STAT4: variants seen among roughly 807,000 people sequenced by gnomAD.
STAT4 encodes signal transducer and activator of transcription 4.
A neutral mutation model predicts 110.5 loss-of-function variants in STAT4; 42 were observed. That is an observed-to-expected ratio of 0.38 (90% CI 0.30 to 0.49). The LOEUF is 0.49. Ranked by LOEUF, STAT4 falls within the 20% of genes least tolerant of loss-of-function variation. The probability of loss-of-function intolerance (pLI) is 0.95; values close to 1 mark genes in which losing one functional copy is unlikely to be tolerated. For missense variants in STAT4, 632 were observed against 887.9 expected (o/e 0.71, Z 3.66); for synonymous variants, 284 against 302.2 (o/e 0.94, Z 0.63).
rs1327507565 is a variant in STAT4, at chr2:191,033,406, A to G, written c.1852+84T>C. The G allele has an allele frequency of 1.4e-6, 2 of 1,457,770 alleles. No individual in the cohort carries two copies. Among genetic ancestry groups the G allele is most frequent in the Non-Finnish European group, 9.3e-7 (1 of 1,079,292 alleles). The allele number at this position is 1,457,770 out of a possible 1,614,324, so 90.3% of individuals were successfully genotyped here. ...GAATACATCACAGACAGATCAACAC[A>G]CCATACACTTCCAAAAACTGAAATC... On this transcript the variant is annotated intron_variant, in intron 20 of 23. Transcript: ENST00000392320. The surrounding 1 kb of genome is among the most constrained non-coding windows in gnomAD (Gnocchi z 6.9).
chr2:191,094,985 C>T (rs1459796933), intron 3 of STAT4, among the ~76,000 whole-genome samples: 2 of 138,958 alleles, frequency 1.4e-5, no homozygotes, highest in African/African-American at 5.3e-5. Flanking sequence ...TTCAAATCAA[C>T]AAAGATCAAA....
rs1696858449 is a variant in STAT4, at chr2:191,061,851, T to C, written c.942-30A>G. The C allele has an allele frequency of 1.9e-6, 3 of 1,591,790 alleles. No individual in the cohort carries two copies. In the South Asian group the frequency reaches 3.4e-5, roughly 18 times the overall value. ...ATGAAAAGGAAATAAAGCGCATCATTTGAAAACACTGAAAATATTGAGACT... is the reference window on the plus strand; with the variant it reads ...ATGAAAAGGAAATAAAGCGCATCATCTGAAAACACTGAAAATATTGAGACT... On this transcript the variant is annotated intron_variant, in intron 9 of 23. Coordinates refer to ENST00000392320, the MANE Select transcript of STAT4 (RefSeq NM_003151.4). This position sits in a 1 kb window ranked among gnomAD's most constrained non-coding sequence, Gnocchi z 6.2.
Position 191,037,839 on chromosome 2 carries a change from C to T in STAT4, c.1434+1360G>A, listed in dbSNP as rs1574697165. Among the ~76,000 whole-genome samples, 1 of 152,116 alleles carries T rather than the reference C, an allele frequency of 6.6e-6. No homozygotes were observed. Among genetic ancestry groups the T allele is most frequent in the Admixed American group, 6.5e-5 (1 of 15,282 alleles). ...TGCCTGGAAAAGTGACCAGAAAGCACAGAATACAATCAAGGCCTAAGGGCT... is the reference window on the plus strand; with the variant it reads ...TGCCTGGAAAAGTGACCAGAAAGCATAGAATACAATCAAGGCCTAAGGGCT... On this transcript the variant is annotated intron_variant, in intron 16 of 23. Coordinates refer to ENST00000392320, the MANE Select transcript of STAT4 (RefSeq NM_003151.4). This position sits in a 1 kb window ranked among gnomAD's most constrained non-coding sequence, Gnocchi z 4.8.
chr2:191,030,004 A>C lies in STAT4; in HGVS notation c.2221-138T>G. On this transcript the variant is annotated intron_variant, in intron 23 of 23. Coordinates refer to ENST00000392320, the MANE Select transcript of STAT4 (RefSeq NM_003151.4). This position sits in a 1 kb window ranked among gnomAD's most constrained non-coding sequence, Gnocchi z 4.4. The stretch of plus-strand genomic sequence containing the variant: ...ATTACCTAGTTAAAATACTTAAACT[A>C]AGTATTTGCAAAAGTAATTGGGGTT... The C allele has an allele frequency of 4.3e-6, 3 of 691,692 alleles. No homozygotes were observed. Among genetic ancestry groups the C allele is most frequent in the Non-Finnish European group, 7.3e-6 (3 of 408,812 alleles). The allele number at this position is 691,692 out of a possible 1,614,324, so 42.8% of individuals were successfully genotyped here. A position where few individuals can be genotyped will look rare whatever the true frequency, so the allele number is the denominator to read the frequency against.
rs1698239297 is a variant in STAT4 at position 191,104,998 on chromosome 2, C to T, written c.274-28673G>A. On this transcript the variant is annotated intron_variant, in intron 3 of 23. Coordinates refer to ENST00000392320, the MANE Select transcript of STAT4 (RefSeq NM_003151.4). The surrounding 1 kb of genome is among the most constrained non-coding windows in gnomAD (Gnocchi z 4.3). ...ATTTTCAGGGAGAAGACCTGCTATA[C>T]CCAAGGCTTTTTAGATTCATCACAG... Among the ~76,000 whole-genome samples, 1 of 152,068 alleles carries T rather than the reference C, an allele frequency of 6.6e-6. No homozygotes were observed. Among genetic ancestry groups the T allele is most frequent in the African/African-American group, 2.4e-5 (1 of 41,402 alleles).
In STAT4 at chr2:191,090,123, T is replaced by C. The variant is rs974721834; in HGVS notation, c.274-13798A>G. On this transcript the variant is annotated intron_variant, in intron 3 of 23. Transcript: ENST00000392320. This position sits in a 1 kb window ranked among gnomAD's most constrained non-coding sequence, Gnocchi z 4.2. ...AAGTACATCACACTAATGTAAGATA[T>C]AGGAGAAACTGGTGAGGGGTGTGAG... Among the ~76,000 whole-genome samples the C allele has an allele frequency of 3.3e-5, 5 of 152,108 alleles. No homozygotes were observed. In the East Asian group the frequency reaches 7.7e-4, roughly 23 times the overall value.
intron 14 of STAT4, among the ~76,000 whole-genome samples, chr2:191,047,478 G>C (rs1171348741): frequency 6.6e-6 from 1 of 152,170 alleles, no homozygotes; most frequent in East Asian, 1.9e-4. Flanking sequence ...TTAAGGTAAA[G>C]AGTGTTAGAA....
chr2:191,122,414 T>A (rs2125394333), intron 3 of STAT4, among the ~76,000 whole-genome samples: 1 of 152,146 alleles, frequency 6.6e-6, no homozygotes, highest in Admixed American at 6.5e-5. Flanking sequence ...CAGTGTTAAT[T>A]ACCACAACCA....
intron 3 of STAT4, among the ~76,000 whole-genome samples, chr2:191,129,614 G>C (rs73982624): frequency 0.035 from 5,275 of 152,202 alleles, 314 homozygotes; most frequent in African/African-American, 0.12. Context: ...AAAGGCGATG[G>C]AATTTTCTAA....
intron 3 of STAT4, among the ~76,000 whole-genome samples, chr2:191,119,607 T>A (rs115964364): frequency 6.6e-6 from 1 of 152,168 alleles, no homozygotes; most frequent in Non-Finnish European, 1.5e-5. Flanking sequence ...TTCCCCAAAA[T>A]TATCTATAGA....
chr2:191,083,174 C>A lies in STAT4; in HGVS notation c.274-6849G>T, dbSNP rs1010435379. ...TTGAGACAAGGATTCCAGTGCAAGT[C>A]GTTTAAGTGGGAGTTGGTCCCACAA... On this transcript the variant is annotated intron_variant, in intron 3 of 23. Transcript: ENST00000392320. This position sits in a 1 kb window ranked among gnomAD's most constrained non-coding sequence, Gnocchi z 4.6. Among the ~76,000 whole-genome samples, 4 of 152,084 alleles carry A rather than the reference C, an allele frequency of 2.6e-5. No homozygotes were observed.
intron 3 of STAT4, among the ~76,000 whole-genome samples, chr2:191,101,003 C>A (rs1228996829): frequency 6.6e-6 from 1 of 151,640 alleles, no homozygotes; most frequent in Admixed American, 6.6e-5. Context: ...TTTTTTAAGC[C>A]ACTTTTACCT....
intron 3 of STAT4, among the ~76,000 whole-genome samples, chr2:191,131,197 C>A (rs1387335725): frequency 6.6e-6 from 1 of 151,754 alleles, no homozygotes; most frequent in African/African-American, 2.4e-5. Context: ...CATGATTCAG[C>A]AATTCCACTC....
chr2:191,056,891 T>A (rs1326458525), intron 13 of STAT4, among the ~76,000 whole-genome samples: 1 of 150,512 alleles, frequency 6.6e-6, no homozygotes, highest in Admixed American at 6.7e-5. Context: ...CAAGCGATTC[T>A]CCTCCCTCAG....
At position 191,148,168 on chromosome 2, in the gene STAT4, G is replaced by T. The variant is rs754787268; in HGVS notation, c.36C>A (p.Ile12=). Residue 12 remains isoleucine, a synonymous_variant, in exon 2 of 24, where the codon ATC becomes ATA. Transcript: ENST00000392320. The part of the protein sequence containing the change: ...SQWNQVQQLE[I]KFLEQVDQFY... ...ATTGATCCACCTGCTCCAAAAACTT[G>T]ATTTCTAACTGTTGGACTTGATTCC... The T allele has an allele frequency of 1.2e-6, 2 of 1,613,766 alleles. No individual in the cohort carries two copies. Among genetic ancestry groups the T allele is most frequent in the Middle Eastern group, 1.7e-4 (1 of 6,060 alleles).
chr2:191,108,118 C>G (rs951156355), intron 3 of STAT4, among the ~76,000 whole-genome samples: 3 of 151,882 alleles, frequency 2.0e-5, no homozygotes, highest in Admixed American at 2.0e-4. Flanking sequence ...TGGCGAAACC[C>G]CATCTCTACT....
chr2:191,106,505 A>C (rs1029131413), intron 3 of STAT4, among the ~76,000 whole-genome samples: 1 of 151,888 alleles, frequency 6.6e-6, no homozygotes, highest in Non-Finnish European at 1.5e-5. Flanking sequence ...AAATACAAAA[A>C]ATTAGCCGGG....
intron 3 of STAT4, among the ~76,000 whole-genome samples, chr2:191,127,155 C>A (rs1698902778): frequency 6.6e-6 from 1 of 152,012 alleles, no homozygotes; most frequent in Admixed American, 6.5e-5. Context: ...TGTCAGAATT[C>A]TCCAATATTC....
chr2:191,118,135 C>T (rs56381352), intron 3 of STAT4, among the ~76,000 whole-genome samples: 3 of 152,150 alleles, frequency 2.0e-5, no homozygotes, highest in South Asian at 2.1e-4. Flanking sequence ...TGAATTGGCA[C>T]GTTACTAAAG....
Sources: gnomAD v4.1 joint callset for allele counts (sites outside exome capture counted in the v4.1 genomes callset) on GRCh38, gnomAD v4.1.1 for gene constraint, Gnocchi (gnomAD v3.1) non-coding constraint, MANE v1.5 for transcripts, NCBI Gene and HGNC (gene_info 2026-07-23, HGNC 2026-07-21) for gene names.